Variants in USH2A observed in about 807,000 individuals in gnomAD.
USH2A encodes the protein Usher syndrome 2A (autosomal recessive, mild).
USH2A carries 443 observed loss-of-function variants against 538.9 expected under a neutral mutation model. The observed-to-expected ratio is 0.82, with a 90% CI of 0.76 to 0.89. The LOEUF is 0.89. Ranked by LOEUF, USH2A falls within the 40% of genes least tolerant of loss-of-function variation. The probability of loss-of-function intolerance (pLI) is 0.00; values close to 1 mark genes in which losing one functional copy is unlikely to be tolerated. For missense variants in USH2A, 6,633 were observed against 6,324.8 expected (o/e 1.05, Z -1.65); for synonymous variants, 2,413 against 2,273.5 (o/e 1.06, Z -1.75).
chr1:216,105,737 C>T (rs1441987700), intron 21 of USH2A, among the ~76,000 whole-genome samples: 1 of 151,888 alleles, frequency 6.6e-6, no homozygotes, highest in African/African-American at 2.4e-5. Context: ...GTTTTTCATC[C>T]ACAAACATGA....
chr1:216,134,717 T>C (rs1276336660), intron 21 of USH2A, among the ~76,000 whole-genome samples: 1 of 152,084 alleles, frequency 6.6e-6, no homozygotes, highest in Non-Finnish European at 1.5e-5. Flanking sequence ...CAGAAAAAAG[T>C]CATTTTGCCC....
At chr1:215,647,793 T>C (rs1243389033) in intron 66 of USH2A, 63 bp from the exon 67 acceptor site, 5 of 1,570,324 alleles carry the variant, frequency 3.2e-6, no homozygotes, top group Non-Finnish European at 4.4e-6. Context: ...CTCTCTCTTT[T>C]AAAACCAGTT....
intron 9 of USH2A, among the ~76,000 whole-genome samples, chr1:216,293,243 C>G (rs146421341): frequency 0.018 from 2,798 of 152,230 alleles, 90 homozygotes; most frequent in African/African-American, 0.064. Flanking sequence ...CCAGCATGGT[C>G]TCGATCTCCT....
At position 216,128,843 on chromosome 1, in the gene USH2A, A is replaced by G. The variant is rs376653337; in HGVS notation, c.4628-31630T>C. Among the ~76,000 whole-genome samples the G allele has an allele frequency of 3.3e-5, 5 of 151,942 alleles. No individual in the cohort carries two copies. The South Asian group carries it at 8.3e-4, about 25-fold the overall frequency. ...ATTTTGTTACCAAACATTAGATCCT[A>G]TTCCTTCTATCTAATTGTACTTCCG... On this transcript the variant is annotated intron_variant, in intron 21 of 71. Coordinates refer to ENST00000307340, the MANE Select transcript of USH2A (RefSeq NM_206933.4).
chr1:215,939,678 C>A (rs1169998261), intron 37 of USH2A, among the ~76,000 whole-genome samples: 1 of 152,082 alleles, frequency 6.6e-6, no homozygotes, highest in Non-Finnish European at 1.5e-5. Context: ...CTATGGGGTT[C>A]TCTAGATTGG....
At chr1:215,914,246 C>T (rs550117501) in intron 38 of USH2A, among the ~76,000 whole-genome samples, 1 of 151,532 alleles carries the variant, frequency 6.6e-6, no homozygotes, top group African/African-American at 2.4e-5. Context: ...AGCCAAAAAG[C>T]AAAACAGAAA....
chr1:215,972,109 CCTACAAA>C lies in USH2A; in HGVS notation c.6806-1340_6806-1334del, dbSNP rs968667688. On this transcript the variant is annotated intron_variant, in intron 35 of 71. Coordinates refer to ENST00000307340, the MANE Select transcript of USH2A (RefSeq NM_206933.4). Reference sequence around the variant, plus strand: ...CTATAGCCTGTTCTGTACGGCTGAACCTACAAACTACAAACTACATTTCCAACTCTCT... The same window carrying C: ...CTATAGCCTGTTCTGTACGGCTGAACCTACAAACTACATTTCCAACTCTCT... Among the ~76,000 whole-genome samples the C allele has an allele frequency of 1.1e-4, 16 of 152,286 alleles. No homozygotes were observed. In the East Asian group the frequency reaches 3.1e-3, roughly 29 times the overall value.
At position 216,072,418 on chromosome 1, in the gene USH2A, G is replaced by A. The variant is rs578076231; in HGVS notation, c.5857+471C>T. 23 of 210,412 alleles carry A rather than the reference G, an allele frequency of 1.1e-4. No homozygotes were observed. In the East Asian group the frequency reaches 1.7e-3, roughly 16 times the overall value. 13.0% of individuals were successfully genotyped at this position (210,412 alleles called of 1,614,324 possible). ...TTCTAAGATTCTAATAGTCAACAAC[G>A]GGGCAAACATCTGCAATGATGTCAT... On this transcript the variant is annotated intron_variant, in intron 29 of 71. Coordinates refer to ENST00000307340, the MANE Select transcript of USH2A (RefSeq NM_206933.4).
intron 11 of USH2A, among the ~76,000 whole-genome samples, chr1:216,268,541 T>C (rs887218685): frequency 1.3e-5 from 2 of 152,148 alleles, no homozygotes; most frequent in African/African-American, 4.8e-5. Flanking sequence ...AAGTGATTGA[T>C]AGTCAAACTT....
chr1:216,072,701 G>C (rs1347734954), intron 29 of USH2A, 188 bp downstream of exon 29: 3 of 633,082 alleles, frequency 4.7e-6, no homozygotes, highest in Admixed American at 2.4e-5. Context: ...GTGAATTCTT[G>C]GTAAATGAAA....
At chr1:216,367,046 T>C (rs1346937981) in intron 3 of USH2A, among the ~76,000 whole-genome samples, 1 of 152,098 alleles carries the variant, frequency 6.6e-6, no homozygotes, top group East Asian at 1.9e-4. Flanking sequence ...TATTAATGCA[T>C]AAAAAAGAAT....
intron 3 of USH2A, among the ~76,000 whole-genome samples, chr1:216,396,360 AAT>A (rs2039211424): frequency 6.6e-6 from 1 of 152,152 alleles, no homozygotes; most frequent in South Asian, 2.1e-4. Context: ...TGTACTTAGA[AAT>A]ATATATTTTC....
At chr1:216,421,775 G>C in intron 2 of USH2A, 77 bp downstream of exon 2, 1 of 1,606,358 alleles carries the variant, frequency 6.2e-7, no homozygotes, top group East Asian at 2.2e-5. Context: ...CTTCCGGTTT[G>C]GAATTCAGGC....
At chr1:216,356,893 C>T (rs2038400662) in intron 4 of USH2A, among the ~76,000 whole-genome samples, 1 of 151,976 alleles carries the variant, frequency 6.6e-6, no homozygotes, top group African/African-American at 2.4e-5. Flanking sequence ...GCCAGGTTAC[C>T]CCAAACTATT....
intron 4 of USH2A, among the ~76,000 whole-genome samples, chr1:216,330,519 TG>T (rs2037838348): frequency 6.6e-6 from 1 of 151,746 alleles, no homozygotes. Flanking sequence ...TCAGTATGCT[TG>T]GCATGTTAGA....
chr1:215,756,840 G>A (rs1383490638), intron 58 of USH2A, among the ~76,000 whole-genome samples: 2 of 152,036 alleles, frequency 1.3e-5, no homozygotes, highest in African/African-American at 4.8e-5. Context: ...TTGAACCTGG[G>A]AGGCGGAGGT....
chr1:215,650,327 T>A (rs1184875207), intron 65 of USH2A, among the ~76,000 whole-genome samples: 1 of 152,206 alleles, frequency 6.6e-6, no homozygotes, highest in East Asian at 1.9e-4. Flanking sequence ...TGATTGCCTT[T>A]AAAGTCTTAG....
chr1:215,877,248 T>C (rs930464704), intron 43 of USH2A, among the ~76,000 whole-genome samples: 2 of 152,192 alleles, frequency 1.3e-5, no homozygotes, highest in African/African-American at 4.8e-5. Flanking sequence ...TTTTCTACTG[T>C]CACCTATTAG....
intron 47 of USH2A, among the ~76,000 whole-genome samples, chr1:215,818,148 C>G (rs745623788): frequency 6.6e-6 from 1 of 151,788 alleles, no homozygotes; most frequent in Non-Finnish European, 1.5e-5. Flanking sequence ...GGCTTCTGGT[C>G]AACAGTAGGC....
Sources: gnomAD v4.1 joint callset for allele counts (sites outside exome capture counted in the v4.1 genomes callset) on GRCh38, gnomAD v4.1.1 for gene constraint, MANE v1.5 for transcripts, NCBI Gene and HGNC (gene_info 2026-07-23, HGNC 2026-07-21) for gene names.